GRM1: variants seen among roughly 807,000 people sequenced by gnomAD.
GRM1 encodes metabotropic glutamate receptor 1.
GRM1 carries 33 observed loss-of-function variants against 90.9 expected under a neutral mutation model. The observed-to-expected ratio is 0.36, with a 90% CI of 0.28 to 0.49. The LOEUF (loss-of-function observed/expected upper bound fraction) is 0.49, where lower values mean the gene tolerates loss of function less well. Ranked by LOEUF, GRM1 falls within the 20% of genes least tolerant of loss-of-function variation. The pLI, the probability that GRM1 is intolerant of heterozygous loss-of-function variation, is 0.99. For missense variants in GRM1, 1,190 were observed against 1,534.3 expected, an observed-to-expected ratio of 0.78 and a Z score of 3.75; for synonymous variants, 700 against 613.2, an observed-to-expected ratio of 1.14 and a Z score of -2.09.
chr6:146,077,695 C>T (rs888133542), intron 1 of GRM1, among the ~76,000 whole-genome samples: 8 of 152,210 alleles, frequency 5.3e-5, no homozygotes, highest in African/African-American at 1.4e-4. Context: ...TATTACCAGG[C>T]AATTCAGAAT....
At chr6:146,211,729 T>C (rs1020400110) in intron 2 of GRM1, among the ~76,000 whole-genome samples, 7 of 152,246 alleles carry the variant, frequency 4.6e-5, no homozygotes, top group African/African-American at 1.7e-4. Context: ...CAATAAGTAA[T>C]GAACAATGGT....
chr6:146,352,509 G>T lies in GRM1; in HGVS notation c.1433+13G>T. On this transcript the variant is annotated intron_variant, in intron 4 of 7. Coordinates refer to ENST00000282753, the MANE Select transcript of GRM1 (RefSeq NM_001278064.2). ...ACGCTCCTGGAAGGTAATCTTTTCA[G>T]TAATCAATCTAAGTAACCTTGTGAG... 1 of 1,613,000 alleles carries T rather than the reference G, an allele frequency of 6.2e-7. No homozygotes were observed. Among genetic ancestry groups the T allele is most frequent in the Non-Finnish European group, 8.5e-7 (1 of 1,179,464 alleles).
chr6:146,267,641 CGCTGGGCTGG>C (rs1244975929), intron 2 of GRM1, among the ~76,000 whole-genome samples: 826 of 54,424 alleles, frequency 0.015, 14 homozygotes, highest in African/African-American at 0.044. Flanking sequence ...GGCTGGGCTG[CGCTGGGCTGG>C]GCTGGGCTGG....
chr6:146,305,727 T>A (rs775286759), intron 3 of GRM1, among the ~76,000 whole-genome samples: 2 of 152,204 alleles, frequency 1.3e-5, no homozygotes, highest in Admixed American at 6.5e-5. Flanking sequence ...GACATGTATA[T>A]CCTGTATGTA....
intron 7 of GRM1, among the ~76,000 whole-genome samples, chr6:146,409,151 G>A (rs749449545): frequency 2.0e-5 from 3 of 152,208 alleles, no homozygotes; most frequent in Non-Finnish European, 4.4e-5. Flanking sequence ...GAGTGGAAAG[G>A]CTCCAGGTTT....
chr6:146,431,652 T>C (rs1051529250), intron 7 of GRM1, among the ~76,000 whole-genome samples: 9 of 152,182 alleles, frequency 5.9e-5, no homozygotes. Flanking sequence ...TAACATTTTG[T>C]TTAAGCATTT....
chr6:146,105,919 G>T (rs943226179), intron 1 of GRM1, among the ~76,000 whole-genome samples: 2 of 152,046 alleles, frequency 1.3e-5, no homozygotes, highest in African/African-American at 4.8e-5. Flanking sequence ...ACTAAAGCTT[G>T]GGTCTCTCAC....
At chr6:146,079,366 T>A (rs1228578567) in intron 1 of GRM1, among the ~76,000 whole-genome samples, 1 of 152,128 alleles carries the variant, frequency 6.6e-6, no homozygotes, top group African/African-American at 2.4e-5. Context: ...GAAGGCCATC[T>A]CCATTGAGTG....
chr6:146,306,977 G>C (rs1783599742), intron 3 of GRM1, among the ~76,000 whole-genome samples: 1 of 152,136 alleles, frequency 6.6e-6, no homozygotes, highest in African/African-American at 2.4e-5. Flanking sequence ...ATGTCATTTT[G>C]TCATTGTGTT....
chr6:146,137,436 T>C (rs1037674746), intron 1 of GRM1, among the ~76,000 whole-genome samples: 1 of 152,220 alleles, frequency 6.6e-6, no homozygotes, highest in African/African-American at 2.4e-5. Context: ...TCCCCCATTG[T>C]ATGGTCTTGG....
At chr6:146,147,660 C>T (rs888742485) in intron 1 of GRM1, among the ~76,000 whole-genome samples, 1 of 152,120 alleles carries the variant, frequency 6.6e-6, no homozygotes, top group Non-Finnish European at 1.5e-5. Context: ...AGCCCTTTGC[C>T]TAAAGAGAAG....
intron 1 of GRM1, among the ~76,000 whole-genome samples, chr6:146,122,283 G>A (rs1303218122): frequency 1.3e-5 from 2 of 151,912 alleles, no homozygotes; most frequent in Non-Finnish European, 2.9e-5. Context: ...CAGTTCTTTT[G>A]TAGTATTTTT....
intron 7 of GRM1, among the ~76,000 whole-genome samples, chr6:146,401,814 A>G (rs541615001): frequency 5.8e-4 from 89 of 152,312 alleles, no homozygotes; most frequent in African/African-American, 2.0e-3. Context: ...CAGTGATTCT[A>G]TGTACAGACA....
chr6:146,112,325 C>G (rs896185604), intron 1 of GRM1, among the ~76,000 whole-genome samples: 1 of 150,700 alleles, frequency 6.6e-6, no homozygotes, highest in African/African-American at 2.4e-5. Context: ...GAAGAATTTA[C>G]TTAGCATTTT....
chr6:146,233,064 C>T (rs1780500964), intron 2 of GRM1, among the ~76,000 whole-genome samples: 1 of 151,980 alleles, frequency 6.6e-6, no homozygotes, highest in Admixed American at 6.6e-5. Flanking sequence ...TTCCAAGAAA[C>T]AGCTCATAGT....
At chr6:146,075,237 G>A (rs539919232) in intron 1 of GRM1, among the ~76,000 whole-genome samples, 1 of 152,112 alleles carries the variant, frequency 6.6e-6, no homozygotes, top group African/African-American at 2.4e-5. Flanking sequence ...CACAATTATT[G>A]TTAGAAAGCC....
intron 3 of GRM1, among the ~76,000 whole-genome samples, chr6:146,345,203 G>A (rs915828761): frequency 6.6e-6 from 1 of 152,174 alleles, no homozygotes; most frequent in African/African-American, 2.4e-5. Flanking sequence ...TCAGAACATG[G>A]CAGGCTTCTG....
chr6:146,127,785 C>T (rs954287198), intron 1 of GRM1, among the ~76,000 whole-genome samples: 1 of 152,118 alleles, frequency 6.6e-6, no homozygotes, highest in African/African-American at 2.4e-5. Context: ...AAGTATTTTT[C>T]TGGTTGTCTA....
intron 2 of GRM1, among the ~76,000 whole-genome samples, chr6:146,233,638 T>A (rs1780523033): frequency 6.6e-6 from 1 of 152,184 alleles, no homozygotes; most frequent in African/African-American, 2.4e-5. Context: ...TAATTTCTAG[T>A]TTATTTTACT....
Sources: allele counts gnomAD v4.1 joint callset (sites outside exome capture counted in the v4.1 genomes callset), GRCh38; gene constraint gnomAD v4.1.1; transcripts MANE v1.5; gene names NCBI Gene and HGNC (gene_info 2026-07-23, HGNC 2026-07-21).